Variants in TSC22D3 observed in about 807,000 individuals in gnomAD.
TSC22D3 encodes the protein TSC22 domain family member 3.
A neutral mutation model predicts 11.1 loss-of-function variants in TSC22D3; 4 were observed. The ratio of observed to expected loss-of-function variants is 0.36; its 90% CI spans 0.18 to 0.83. The LOEUF (loss-of-function observed/expected upper bound fraction) is 0.83, where lower values mean the gene tolerates loss of function less well. TSC22D3 is among the 40% of genes least tolerant of loss of function. The probability of loss-of-function intolerance (pLI) is 0.48; values close to 1 mark genes in which losing one functional copy is unlikely to be tolerated. For missense variants in TSC22D3, 118 were observed against 159.4 expected, an observed-to-expected ratio of 0.74 and a Z score of 1.40; for synonymous variants, 77 against 70.3, an observed-to-expected ratio of 1.10 and a Z score of -0.48.
At chrX:107,714,886 G>A in intron 2 of TSC22D3, 137 bp from the exon 3 acceptor site, 6 of 558,693 alleles carry the variant, frequency 1.1e-5, no homozygotes, top group Non-Finnish European at 1.7e-5. Flanking sequence ...AACTGGTCTG[G>A]CAAGTCCAAT....
chrX:107,737,795 A>G (rs79026827), intron 1 of TSC22D3, among the ~76,000 whole-genome samples: 1 of 111,875 alleles, frequency 8.9e-6, no homozygotes, highest in South Asian at 3.7e-4. Flanking sequence ...ATTGCACCCC[A>G]TGAGTTCCCA....
At chrX:107,772,692 A>G (rs1929957030) in intron 1 of TSC22D3, among the ~76,000 whole-genome samples, 1 of 109,216 alleles carries the variant, frequency 9.2e-6, no homozygotes, top group African/African-American at 3.3e-5. Context: ...ATAAAAAAAA[A>G]ATACAAAAAT....
chrX:107,747,250 C>G (rs1274149893), intron 1 of TSC22D3, among the ~76,000 whole-genome samples: 2 of 112,801 alleles, frequency 1.8e-5, no homozygotes, highest in East Asian at 5.5e-4. Context: ...TGCTTAGTCC[C>G]CCTTATCACA....
chrX:107,764,905 G>A (rs927489583), intron 1 of TSC22D3, among the ~76,000 whole-genome samples: 1 of 111,962 alleles, frequency 8.9e-6, no homozygotes, highest in African/African-American at 3.2e-5. Flanking sequence ...CCCAGGCCCC[G>A]AAGGCCTCTG....
chrX:107,739,627 G>C (rs1421628447), intron 1 of TSC22D3, among the ~76,000 whole-genome samples: 1 of 112,523 alleles, frequency 8.9e-6, no homozygotes, highest in Non-Finnish European at 1.9e-5. Context: ...TTGTGTGGTA[G>C]GTGGAGCTTC....
chrX:107,727,657 G>A (rs1192807319), intron 1 of TSC22D3, among the ~76,000 whole-genome samples: 5 of 111,737 alleles, frequency 4.5e-5, no homozygotes, highest in Non-Finnish European at 9.4e-5. Context: ...TAGAAATTCT[G>A]GTTCCCAAAC....
chrX:107,757,595 G>A (rs1929235035), intron 1 of TSC22D3, among the ~76,000 whole-genome samples: 1 of 111,710 alleles, frequency 9.0e-6, no homozygotes, highest in Non-Finnish European at 1.9e-5. Flanking sequence ...GGTGAGGGCT[G>A]TGGCACAATC....
chrX:107,768,724 T>TC (rs1929776199), intron 1 of TSC22D3, among the ~76,000 whole-genome samples: 1 of 112,645 alleles, frequency 8.9e-6, no homozygotes, highest in Non-Finnish European at 1.9e-5. Flanking sequence ...AGGACCCTAT[T>TC]CCCAGTGGGC....
chrX:107,753,137 C>G (rs1176017816), intron 1 of TSC22D3, among the ~76,000 whole-genome samples: 1 of 110,939 alleles, frequency 9.0e-6, no homozygotes, highest in Non-Finnish European at 1.9e-5. Context: ...CTATCCTTCC[C>G]TTTACCTACT....
At position 107,742,281 on chromosome X, in the gene TSC22D3, A is replaced by AAGAGAGAGAGAGAGAG. The variant is rs764889060; in HGVS notation, c.321-26347_321-26332dup. Among the ~76,000 whole-genome samples, 80 of 56,812 alleles carry AAGAGAGAGAGAGAGAG rather than the reference A, an allele frequency of 1.4e-3. 2 individuals carry two copies. The highest frequency in any genetic ancestry group is 5.9e-3 in the African/African-American group (74 of 12,593). The allele number at this position is 56,812 out of a possible 115,157, so 49.3% of individuals were successfully genotyped here. On this transcript the variant is annotated intron_variant, in intron 1 of 2. Transcript: ENST00000372383. ...TATTTGAGAGAGAGAGAGAGAGAGA[A>AAGAGAGAGAGAGAGAG]AGAGAGAGAGAGAGAGAGAGAGAGA...
chrX:107,721,108 T>C (rs972523887), intron 1 of TSC22D3, among the ~76,000 whole-genome samples: 15 of 112,024 alleles, frequency 1.3e-4, no homozygotes, highest in Non-Finnish European at 2.6e-4. Flanking sequence ...CCAGGCCCTT[T>C]GCTGGCTCTC....
intron 1 of TSC22D3, among the ~76,000 whole-genome samples, chrX:107,774,336 C>T (rs7049632): frequency 0.024 from 2,698 of 110,885 alleles, 76 homozygotes; most frequent in African/African-American, 0.084. Context: ...CTCCCTTGTC[C>T]TCTCCTTGCC....
chrX:107,735,985 G>A, intron 1 of TSC22D3, among the ~76,000 whole-genome samples: 1 of 111,828 alleles, frequency 8.9e-6, no homozygotes, highest in Non-Finnish European at 1.9e-5. Context: ...CCAATGACTT[G>A]CCCAAGGTCA....
chrX:107,744,476 G>A (rs940029094), intron 1 of TSC22D3, among the ~76,000 whole-genome samples: 2 of 109,699 alleles, frequency 1.8e-5, no homozygotes, highest in African/African-American at 3.3e-5. Flanking sequence ...GTGAGACTCC[G>A]TTTCAAAAAA....
At chrX:107,729,010 C>T (rs909448666) in intron 1 of TSC22D3, among the ~76,000 whole-genome samples, 9 of 112,070 alleles carry the variant, frequency 8.0e-5, no homozygotes, top group African/African-American at 2.9e-4. Flanking sequence ...TGGCAAGAAA[C>T]CAAACTGCCT....
chrX:107,733,104 A>C (rs1927963997), intron 1 of TSC22D3, among the ~76,000 whole-genome samples: 2 of 109,543 alleles, frequency 1.8e-5, no homozygotes, highest in South Asian at 7.8e-4. Context: ...TGTCTCAAAA[A>C]AAAAAAAAAA....
At chrX:107,758,879 ATT>A (rs763604179) in intron 1 of TSC22D3, among the ~76,000 whole-genome samples, 1 of 105,370 alleles carries the variant, frequency 9.5e-6, no homozygotes, top group Admixed American at 1.0e-4. Context: ...ATCATCCTTG[ATT>A]TTTTTTTTTC....
At chrX:107,722,129 G>A (rs568229117) in intron 1 of TSC22D3, 1 of 280,108 alleles carries the variant, frequency 3.6e-6, no homozygotes, top group South Asian at 2.0e-4. Flanking sequence ...CATGGCCAGG[G>A]CCCAGAGCTC....
intron 1 of TSC22D3, among the ~76,000 whole-genome samples, chrX:107,736,279 G>C (rs949655809): frequency 1.8e-5 from 2 of 111,648 alleles, no homozygotes; most frequent in African/African-American, 6.5e-5. Context: ...GGAGGGAAGT[G>C]ACCTGCCTAA....
Sources: gnomAD v4.1 joint callset for allele counts (sites outside exome capture counted in the v4.1 genomes callset) on GRCh38, gnomAD v4.1.1 for gene constraint, MANE v1.5 for transcripts, NCBI Gene and HGNC (gene_info 2026-07-23, HGNC 2026-07-21) for gene names.